Variants in NLRP2 observed in about 807,000 individuals in gnomAD.
NLRP2 encodes NLR family pyrin domain containing 2.
NLRP2 carries 107 observed loss-of-function variants against 97.2 expected under a neutral mutation model. That is an observed-to-expected ratio of 1.10 (90% CI 0.94 to 1.29). The LOEUF is 1.29. Among genes scored for constraint, NLRP2 ranks in the 50% most tolerant of loss-of-function variants. The pLI, the probability that NLRP2 is intolerant of heterozygous loss-of-function variation, is 0.00. For synonymous variants in NLRP2, 663 were observed against 551.5 expected, an observed-to-expected ratio of 1.20 and a Z score of -2.83; for missense variants, 1,495 against 1,330.3, an observed-to-expected ratio of 1.12 and a Z score of -1.93.
intron 10 of NLRP2, chr19:54,990,986 A>G (rs1443380427): frequency 1.2e-5 from 5 of 409,932 alleles, no homozygotes; most frequent in Non-Finnish European, 2.2e-5. Flanking sequence ...TCCTGAGCTC[A>G]AGAGATCTGC....
At chr19:54,973,750 C>G (rs757222499) in intron 2 of NLRP2, 2 of 493,602 alleles carry the variant, frequency 4.1e-6, no homozygotes, top group Non-Finnish European at 7.9e-6. Context: ...GAGTTGTAAA[C>G]TTACGAAGGT....
chr19:54,989,922 C>G (rs890743920), intron 8 of NLRP2, 100 bp from the exon 9 acceptor site: 2 of 1,276,990 alleles, frequency 1.6e-6, no homozygotes, highest in Admixed American at 3.6e-5. Flanking sequence ...ACCCAGGAGG[C>G]GGAGGTTGCT....
Position 54,984,329 on chromosome 19 carries a change from G to GTGTGTTTTTTT in NLRP2, c.2030+602_2030+603insGTGTTTTTTTT. The stretch of plus-strand genomic sequence containing the variant: ...AACTTAAGTGGGGGTTTTTTTTTGT[G>GTGTGTTTTTTT]TTTTTTTTTTTTTTTTTTTTTTTGG... On this transcript the variant is annotated intron_variant, in intron 6 of 12. Transcript: ENST00000448584. 7.5e-5 allele frequency among the ~76,000 whole-genome samples: 6 copies of GTGTGTTTTTTT among 79,676 alleles called. No homozygotes were observed. The East Asian group carries it at 9.6e-4, about 13-fold the overall frequency. 52.3% of individuals were successfully genotyped at this position (79,676 alleles called of 152,430 possible). A position where few individuals can be genotyped will look rare whatever the true frequency, so the allele number is the denominator to read the frequency against.
At position 54,982,384 on chromosome 19, in the gene NLRP2, A is replaced by G; in HGVS notation, c.686A>G (p.Asp229Gly). 1 of 1,614,090 alleles carries G rather than the reference A, an allele frequency of 6.2e-7. No individual in the cohort carries two copies. The highest frequency in any genetic ancestry group is 1.3e-5 in the African/African-American group (1 of 75,026). ...ACGCTGGCCCAGAAACTAATGCTAG[A>G]CTGGGCAGAGGACAACCTCATCCAC... Reference protein sequence around the residue: ...KTTLAQKLMLDWAEDNLIHKF... With the variant: ...KTTLAQKLMLGWAEDNLIHKF... The change falls in exon 6 of 13, where the codon GAC becomes GGC. Residue 229 changes from aspartate to glycine, a missense_variant. Physicochemically the swap from Asp to Gly is moderately conservative, Grantham distance 94. Coordinates refer to ENST00000448584, the MANE Select transcript of NLRP2 (RefSeq NM_017852.5).
chr19:54,970,091 T>C lies in NLRP2; in HGVS notation c.76T>C (p.Phe26Leu). Residue 26 changes from phenylalanine to leucine, a missense_variant, in exon 2 of 13, where the codon TTC becomes CTC. By Grantham distance (22) the Phe-to-Leu change is conservative (BLOSUM62 0). Coordinates refer to ENST00000448584, the MANE Select transcript of NLRP2 (RefSeq NM_017852.5). ...GCTCAGCCAGGATGAGTTGAGCAAG[T>C]TCAAGTATCTGATCACGACCTTCTC... ...EQLSQDELSK[F>L]KYLITTFSLA... 6.2e-7 allele frequency: 1 copy of C among 1,613,966 alleles called. No individual in the cohort carries two copies. The highest frequency in any genetic ancestry group is 8.5e-7 in the Non-Finnish European group (1 of 1,179,988).
At position 54,986,125 on chromosome 19, in the gene NLRP2, T is replaced by C. The variant is rs763797072; in HGVS notation, c.2202-26T>C. Reference sequence around the variant, plus strand: ...ACGATACAGGTGTACACACTAAAGATTTCACTTTCGTTCTCTTTTCCCTAG... The same window carrying C: ...ACGATACAGGTGTACACACTAAAGACTTCACTTTCGTTCTCTTTTCCCTAG... On this transcript the variant is annotated intron_variant, in intron 7 of 12. Coordinates refer to ENST00000448584, the MANE Select transcript of NLRP2 (RefSeq NM_017852.5). 4.5e-5 allele frequency: 70 copies of C among 1,566,690 alleles called. 1 individual carries two copies. In the Middle Eastern group the frequency reaches 2.8e-3, roughly 62 times the overall value.
At chr19:54,995,022 G>T (rs892938403) in intron 11 of NLRP2, among the ~76,000 whole-genome samples, 1 of 151,504 alleles carries the variant, frequency 6.6e-6, no homozygotes, top group African/African-American at 2.4e-5. Flanking sequence ...ATTCAGAGAG[G>T]TGGGAATTGG....
At chr19:54,974,016 T>A (rs952704304) in intron 2 of NLRP2, 2 of 1,271,660 alleles carry the variant, frequency 1.6e-6, no homozygotes, top group Non-Finnish European at 2.3e-6. Context: ...GTGCTAAGGC[T>A]TGAGTGCCTT....
intron 6 of NLRP2, 79 bp from the exon 7 acceptor site, chr19:54,984,968 T>TCTGGTC: frequency 1.5e-6 from 2 of 1,348,888 alleles, no homozygotes; most frequent in East Asian, 4.6e-5. Flanking sequence ...TTGTCAGGGG[T>TCTGGTC]ATATGCCCAG....
At chr19:54,994,107 A>G in intron 10 of NLRP2, 162 bp from the exon 11 acceptor site, 2 of 773,194 alleles carry the variant, frequency 2.6e-6, no homozygotes, top group Non-Finnish European at 4.5e-6. Context: ...GGACATCTTT[A>G]GGGGAGGCCA....
At chr19:54,986,127 T>C (rs1202868843) in intron 7 of NLRP2, 24 bp from the exon 8 acceptor site, 4 of 1,573,066 alleles carry the variant, frequency 2.5e-6, no homozygotes, top group South Asian at 1.1e-5. Flanking sequence ...ACTAAAGATT[T>C]CACTTTCGTT....
chr19:54,999,072 A>T (rs1400441553), intron 12 of NLRP2, among the ~76,000 whole-genome samples: 1 of 103,316 alleles, frequency 9.7e-6, no homozygotes, highest in African/African-American at 3.4e-5. Flanking sequence ...GGGGCTCCTC[A>T]CTTCCCATTA....
intron 2 of NLRP2, among the ~76,000 whole-genome samples, chr19:54,971,576 T>C (rs539506100): frequency 1.9e-3 from 284 of 151,632 alleles, no homozygotes; most frequent in African/African-American, 6.6e-3. Context: ...TGGCCAGTGA[T>C]GATGAGCATT....
At chr19:54,972,708 C>G in intron 2 of NLRP2, among the ~76,000 whole-genome samples, 1 of 152,052 alleles carries the variant, frequency 6.6e-6, no homozygotes. Context: ...ATCCTCCTGC[C>G]TTGGCTTCCC....
At chr19:54,981,709 G>T (rs1382003703) in intron 5 of NLRP2, 27 bp downstream of exon 5, 3 of 1,244,548 alleles carry the variant, frequency 2.4e-6, no homozygotes, top group Non-Finnish European at 3.6e-6. Context: ...CCTGCAGGGA[G>T]CTTGGGATCA....
Position 54,982,990 on chromosome 19 carries a change from G to T in NLRP2, c.1292G>T (p.Arg431Leu), listed in dbSNP as rs779407063. 10 of 1,610,928 alleles carry T rather than the reference G, an allele frequency of 6.2e-6. No individual in the cohort carries two copies. The highest frequency in any genetic ancestry group is 2.0e-4 in the Middle Eastern group (1 of 5,086). ...CTCACCCGCACGGGGCTGTTCCTGC[G>T]TTTCCTCTGCAGCCGGTTCCCGCAG... ...TCLTRTGLFL[R>L]FLCSRFPQGA... The change falls in exon 6 of 13, where the codon CGT becomes CTT. Residue 431 changes from arginine to leucine, a missense_variant. Coordinates refer to ENST00000448584, the MANE Select transcript of NLRP2 (RefSeq NM_017852.5).
In NLRP2 at chr19:54,982,853, G is replaced by C. The variant is rs1373890011; in HGVS notation, c.1155G>C (p.Met385Ile). Reference protein sequence around the residue: ...EDQAMRAFELMRSNAALFQLG... With the variant: ...EDQAMRAFELIRSNAALFQLG... ...AAGCCATGCGTGCCTTTGAGCTAAT[G>C]AGGAGCAACGCGGCCCTGTTCCAGC... Residue 385 changes from methionine to isoleucine, a missense_variant, in exon 6 of 13, where the codon ATG (methionine) becomes ATC (isoleucine). Coordinates refer to ENST00000448584, the MANE Select transcript of NLRP2 (RefSeq NM_017852.5). 1 of 1,613,106 alleles carries C rather than the reference G, an allele frequency of 6.2e-7. No homozygotes were observed. Among genetic ancestry groups the C allele is most frequent in the Admixed American group, 1.7e-5 (1 of 59,968 alleles).
chr19:54,974,295 A>G, intron 2 of NLRP2: 1 of 620,110 alleles, frequency 1.6e-6, no homozygotes. Context: ...CAGAGGTTGC[A>G]GTGAGCCAAG....
chr19:54,995,320 A>G (rs2072750122), intron 11 of NLRP2, among the ~76,000 whole-genome samples: 1 of 149,760 alleles, frequency 6.7e-6, no homozygotes, highest in African/African-American at 2.5e-5. Flanking sequence ...CCTCCCACAT[A>G]GCTGCAAATA....
Sources: gnomAD v4.1 joint callset for allele counts (sites outside exome capture counted in the v4.1 genomes callset) on GRCh38, gnomAD v4.1.1 for gene constraint, MANE v1.5 for transcripts, NCBI Gene and HGNC (gene_info 2026-07-23, HGNC 2026-07-21) for gene names.